PPP1R13L: variants seen among roughly 807,000 people sequenced by gnomAD.
PPP1R13L encodes the protein relA-associated inhibitor.
PPP1R13L carries 50 observed loss-of-function variants against 80.9 expected under a neutral mutation model. The ratio of observed to expected loss-of-function variants is 0.62; its 90% CI spans 0.49 to 0.78. The LOEUF (loss-of-function observed/expected upper bound fraction) is 0.78. Ranked by LOEUF, PPP1R13L falls within the 30% of genes least tolerant of loss-of-function variation. The probability of loss-of-function intolerance (pLI) is 0.00; values close to 1 mark genes in which losing one functional copy is unlikely to be tolerated. For synonymous variants in PPP1R13L, 602 were observed against 534.3 expected (o/e 1.13, Z -1.75); for missense variants, 1,200 against 1,205.9 (o/e 1.00, Z 0.07).
In PPP1R13L at chr19:45,392,326, G is replaced by C. The variant is rs572855368; in HGVS notation, c.1369C>G (p.Pro457Ala). ...PPVNEGPPKP[P>A]TELEPEPEIE... Reference sequence around the variant, plus strand: ...TCCGGCTCAGGCTCCAGCTCGGTGGGGGGTTTGGGGGGTCCTAGCCGGAAC... The same window carrying C: ...TCCGGCTCAGGCTCCAGCTCGGTGGCGGGTTTGGGGGGTCCTAGCCGGAAC... The change falls in exon 8 of 13, where the codon CCC becomes GCC. Residue 457 changes from proline to alanine, a missense_variant. Around this residue, in one of 5 missense-constraint regions of PPP1R13L, gnomAD observed 764 missense variants for 714.5 expected, o/e 1.07. Transcript: ENST00000360957. 2 of 1,613,350 alleles carry C rather than the reference G, an allele frequency of 1.2e-6. No individual in the cohort carries two copies. Among genetic ancestry groups the C allele is most frequent in the Non-Finnish European group, 1.7e-6 (2 of 1,180,012 alleles).
chr19:45,391,249 G>A (rs1239666387), intron 8 of PPP1R13L, among the ~76,000 whole-genome samples: 1 of 151,620 alleles, frequency 6.6e-6, no homozygotes, highest in Admixed American at 6.6e-5. Context: ...GAGACACAGA[G>A]ACAGAGAGGG....
At position 45,395,634 on chromosome 19, in the gene PPP1R13L, C is replaced by G. The variant is rs1418579935; in HGVS notation, c.1156G>C (p.Gly386Arg). 2 of 1,468,210 alleles carry G rather than the reference C, an allele frequency of 1.4e-6. No individual in the cohort carries two copies. The highest frequency in any genetic ancestry group is 9.0e-7 in the Non-Finnish European group (1 of 1,116,274). 90.9% of individuals were successfully genotyped at this position (1,468,210 alleles called of 1,614,324 possible). The change falls in exon 7 of 13, where the codon GGG (glycine) becomes CGG (arginine). Residue 386 changes from glycine to arginine, a missense_variant. Coordinates refer to ENST00000360957, the MANE Select transcript of PPP1R13L (RefSeq NM_006663.4). ...CCAGGGAGCATGGCGCGGCTGGCCC[C>G]GTGCTCCCAGAAGGCGTTCTGCAGC... ...FKLQNAFWEH[G>R]ASRAMLPGSP...
Position 45,385,814 on chromosome 19 carries a change from C to A in PPP1R13L, c.2081+10G>T, listed in dbSNP as rs776855789. 2 of 1,609,184 alleles carry A rather than the reference C, an allele frequency of 1.2e-6. No homozygotes were observed. The highest frequency in any genetic ancestry group is 2.2e-5 in the East Asian group (1 of 44,682). On this transcript the variant is annotated intron_variant, in intron 10 of 12. Coordinates refer to ENST00000360957, the MANE Select transcript of PPP1R13L (RefSeq NM_006663.4). Reference sequence around the variant, plus strand: ...GGGGGACCCAGCCCACCGCGCGGGTCGGGGCTCACCAGCCGTGGCTGTCGG... The same window carrying A: ...GGGGGACCCAGCCCACCGCGCGGGTAGGGGCTCACCAGCCGTGGCTGTCGG...
chr19:45,404,504 G>A (rs1973290948), intron 1 of PPP1R13L, among the ~76,000 whole-genome samples: 1 of 152,136 alleles, frequency 6.6e-6, no homozygotes, highest in Admixed American at 6.5e-5. Context: ...CCTCCGGAGG[G>A]ACCCCGGGTA....
intron 8 of PPP1R13L, among the ~76,000 whole-genome samples, chr19:45,391,089 T>C (rs922550494): frequency 2.6e-5 from 4 of 151,782 alleles, no homozygotes; most frequent in African/African-American, 9.7e-5. Context: ...TCCCAGCTAC[T>C]TGGGAAGCTA....
At chr19:45,385,983 A>G in intron 9 of PPP1R13L, 26 bp from the exon 10 acceptor site, 1 of 1,584,330 alleles carries the variant, frequency 6.3e-7, no homozygotes, top group Non-Finnish European at 8.5e-7. Context: ...GAGGGGGAAG[A>G]CTCAGTCCCG....
intron 8 of PPP1R13L, among the ~76,000 whole-genome samples, chr19:45,388,655 T>C (rs1972912602): frequency 6.6e-6 from 1 of 152,196 alleles, no homozygotes; most frequent in Non-Finnish European, 1.5e-5. Flanking sequence ...TCTTTAATTG[T>C]CAGATTTGGT....
chr19:45,382,427 A>G (rs1371790087), intron 12 of PPP1R13L, 100 bp downstream of exon 12: 1 of 1,389,782 alleles, frequency 7.2e-7, no homozygotes, highest in Admixed American at 1.9e-5. Flanking sequence ...CTCCCAATAT[A>G]ACGGTTTGTT....
rs1972782220 is a variant in PPP1R13L, at chr19:45,382,519, G to A, written c.2448+8C>T. On this transcript the variant is annotated splice_region_variant and intron_variant, in intron 12 of 12. Transcript: ENST00000360957. ...GGGAGGTCCCCATGACTTCTCCCCT[G>A]GGCTCACCCCGAAGTAGTTCCGCGG... 1.2e-6 allele frequency: 2 copies of A among 1,610,890 alleles called. No individual in the cohort carries two copies. The highest frequency in any genetic ancestry group is 8.5e-7 in the Non-Finnish European group (1 of 1,178,370).
At chr19:45,391,239 G>A (rs568341363) in intron 8 of PPP1R13L, among the ~76,000 whole-genome samples, 1 of 151,258 alleles carries the variant, frequency 6.6e-6, no homozygotes, top group African/African-American at 2.4e-5. Context: ...GCAGACACAA[G>A]AGACACAGAG....
Position 45,383,627 on chromosome 19 carries a change from G to A in PPP1R13L, c.2249-901C>T, listed in dbSNP as rs144031775. On this transcript the variant is annotated intron_variant, in intron 11 of 12. Coordinates refer to ENST00000360957, the MANE Select transcript of PPP1R13L (RefSeq NM_006663.4). The stretch of plus-strand genomic sequence containing the variant: ...CCTTCTTGTACATTGCTGAATGCCC[G>A]TGTCAACCCTAGAGGTCCAGTCTTT... Among the ~76,000 whole-genome samples the A allele has an allele frequency of 1.2e-3, 177 of 152,168 alleles. 4 individuals carry two copies. The East Asian group carries it at 0.022, about 19-fold the overall frequency.
chr19:45,404,119 A>G (rs1277312805), intron 1 of PPP1R13L, among the ~76,000 whole-genome samples: 1 of 151,960 alleles, frequency 6.6e-6, no homozygotes. Flanking sequence ...CAGAATCCTG[A>G]CCCTACAAAC....
chr19:45,382,190 C>T (rs1033163719), intron 12 of PPP1R13L, among the ~76,000 whole-genome samples: 15 of 151,670 alleles, frequency 9.9e-5, no homozygotes, highest in Middle Eastern at 6.8e-3. Flanking sequence ...GCACAGATGG[C>T]GCCATTGCAC....
At chr19:45,405,607 A>C (rs996424305), upstream of PPP1R13L, among the ~76,000 whole-genome samples, 2 of 152,236 alleles carry the variant, frequency 1.3e-5, no homozygotes, top group Non-Finnish European at 2.9e-5. Context: ...GCCCACGCGA[A>C]GGAAACCGTC....
chr19:45,384,944 G>T (rs560933616), intron 11 of PPP1R13L, among the ~76,000 whole-genome samples: 1 of 151,926 alleles, frequency 6.6e-6, no homozygotes, highest in Admixed American at 6.6e-5. Flanking sequence ...ATAACCCTCT[G>T]TCTCACCCAT....
rs1363135914 is a variant in PPP1R13L, at chr19:45,396,144, C to A, written c.903+24G>T. ...CACTCCTCGACCTTCCCCAGCCTCT[C>A]CTCCCCAGGCGTCGCCTCCTCACCT... is the stretch of plus-strand genomic sequence containing the variant. On this transcript the variant is annotated intron_variant, in intron 6 of 12. Coordinates refer to ENST00000360957, the MANE Select transcript of PPP1R13L (RefSeq NM_006663.4). The surrounding 1 kb of genome is among the most constrained non-coding windows in gnomAD (Gnocchi z 5.3). The A allele has an allele frequency of 1.9e-6, 3 of 1,580,368 alleles. No individual in the cohort carries two copies. In the Admixed American group the frequency reaches 5.4e-5, roughly 28 times the overall value.
rs1201528119 is a variant in PPP1R13L, at chr19:45,396,526, G to C, written c.712+19C>G. On this transcript the variant is annotated intron_variant, in intron 4 of 12. Coordinates refer to ENST00000360957, the MANE Select transcript of PPP1R13L (RefSeq NM_006663.4). The surrounding 1 kb of genome is among the most constrained non-coding windows in gnomAD (Gnocchi z 5.3). ...TGACCCCGCGAGTCAAAGGCCCCGCGAGGGGCCCCTGGGTTCACCTTGCGC... is the reference window on the plus strand; with the variant it reads ...TGACCCCGCGAGTCAAAGGCCCCGCCAGGGGCCCCTGGGTTCACCTTGCGC... 1 of 1,590,132 alleles carries C rather than the reference G, an allele frequency of 6.3e-7. No homozygotes were observed. The highest frequency in any genetic ancestry group is 1.3e-5 in the African/African-American group (1 of 74,272).
chr19:45,384,276 T>A (rs1388891055), intron 11 of PPP1R13L, among the ~76,000 whole-genome samples: 2 of 149,994 alleles, frequency 1.3e-5, no homozygotes, highest in Non-Finnish European at 3.0e-5. Flanking sequence ...ATCACAGCAC[T>A]TTGGGAGGCC....
At chr19:45,398,585 CTTTTTTT>C (rs113649282) in intron 1 of PPP1R13L, among the ~76,000 whole-genome samples, 11 of 136,508 alleles carry the variant, frequency 8.1e-5, no homozygotes, top group African/African-American at 3.1e-4. Context: ...TTTTTCTTTT[CTTTTTTT>C]TTTTTTTTTT....
Sources: gnomAD v4.1 joint callset for allele counts (sites outside exome capture counted in the v4.1 genomes callset) on GRCh38, gnomAD v4.1.1 for gene constraint, gnomAD v4.1.1 regional missense constraint, Gnocchi (gnomAD v3.1) non-coding constraint, MANE v1.5 for transcripts, NCBI Gene and HGNC (gene_info 2026-07-23, HGNC 2026-07-21) for gene names.